Variants in SERPINB5 observed in about 807,000 individuals in gnomAD.
SERPINB5 encodes serpin B5.
In SERPINB5, 27 loss-of-function variants were observed where a neutral mutation model predicts 32.2. The ratio of observed to expected loss-of-function variants is 0.84; its 90% CI spans 0.62 to 1.16. The LOEUF (loss-of-function observed/expected upper bound fraction) is 1.16, where lower values mean the gene tolerates loss of function less well. SERPINB5 is among the 50% of genes most tolerant of loss of function. SERPINB5 has a pLI of 0.00. For synonymous variants in SERPINB5, 154 were observed against 157.4 expected, an observed-to-expected ratio of 0.98 and a Z score of 0.16; for missense variants, 388 against 436.3, an observed-to-expected ratio of 0.89 and a Z score of 0.99.
intron 5 of SERPINB5, among the ~76,000 whole-genome samples, chr18:63,496,817 A>AG (rs1909456631): frequency 6.6e-6 from 1 of 152,194 alleles, no homozygotes; most frequent in African/African-American, 2.4e-5. Flanking sequence ...TTCCTTCAGG[A>AG]AATCAGTCAT....
chr18:63,496,005 C>T (rs1177590376), intron 5 of SERPINB5, among the ~76,000 whole-genome samples: 1 of 152,090 alleles, frequency 6.6e-6, no homozygotes, highest in African/African-American at 2.4e-5. Flanking sequence ...GAAGTTATAT[C>T]ATTAAAAGTT....
intron 3 of SERPINB5, among the ~76,000 whole-genome samples, chr18:63,488,304 G>A (rs1417311777): frequency 6.6e-6 from 1 of 152,188 alleles, no homozygotes; most frequent in East Asian, 1.9e-4. Context: ...GTGCTTGGAA[G>A]TGAACTGACA....
In SERPINB5 at chr18:63,489,396, T is replaced by C. The variant is rs1340019985; in HGVS notation, c.356T>C (p.Val119Ala). ...KRPYAKELET[V>A]DFKDKLEETK... The stretch of plus-strand genomic sequence containing the variant: ...CCGTATGCAAAGGAATTGGAAACTG[T>C]TGACTTCAAAGATAAATTGGAAGAA... Residue 119 changes from valine to alanine, a missense_variant, in exon 4 of 7, where the codon GTT becomes GCT. Physicochemically the swap from Val to Ala is moderately conservative, Grantham distance 64. Transcript: ENST00000382771. The C allele has an allele frequency of 1.2e-5, 20 of 1,613,338 alleles. No homozygotes were observed. The highest frequency in any genetic ancestry group is 3.3e-5 in the South Asian group (3 of 90,922).
At chr18:63,481,680 A>C (rs1054656088) in intron 1 of SERPINB5, among the ~76,000 whole-genome samples, 4 of 152,262 alleles carry the variant, frequency 2.6e-5, no homozygotes, top group African/African-American at 9.6e-5. Context: ...GAAGGAAGCC[A>C]GGTTTCCTAT....
intron 1 of SERPINB5, among the ~76,000 whole-genome samples, chr18:63,477,994 C>A (rs1917062627): frequency 6.6e-6 from 1 of 152,180 alleles, no homozygotes; most frequent in African/African-American, 2.4e-5. Flanking sequence ...ACCGTGGGTT[C>A]TGTTACCATC....
At chr18:63,501,143 A>G (rs992016908) in intron 6 of SERPINB5, among the ~76,000 whole-genome samples, 8 of 151,654 alleles carry the variant, frequency 5.3e-5, no homozygotes, top group Admixed American at 2.6e-4. Flanking sequence ...TGCTGCACCC[A>G]TTAAGTTGTC....
chr18:63,494,250 A>C (rs1283060952), intron 5 of SERPINB5, among the ~76,000 whole-genome samples: 1 of 137,440 alleles, frequency 7.3e-6, no homozygotes, highest in East Asian at 2.3e-4. Context: ...TGAACCCAGG[A>C]GGCAGAGGTT....
Position 63,493,298 on chromosome 18 carries a change from T to A in SERPINB5, c.567+203T>A, listed in dbSNP as rs527798852. 12 of 658,596 alleles carry A rather than the reference T, an allele frequency of 1.8e-5. No homozygotes were observed. In the African/African-American group the frequency reaches 2.0e-4, roughly 11 times the overall value. 40.8% of individuals were successfully genotyped at this position (658,596 alleles called of 1,614,324 possible). ...GCCCCCCCTCCTCTTTTCCATAATGTCTTCAAGGATCTGAGCTGAGTGAAA... is the reference window on the plus strand; with the variant it reads ...GCCCCCCCTCCTCTTTTCCATAATGACTTCAAGGATCTGAGCTGAGTGAAA... On this transcript the variant is annotated intron_variant, in intron 5 of 6. Transcript: ENST00000382771.
Position 63,503,854 on chromosome 18 carries a change from T to G in SERPINB5, c.*132T>G, listed in dbSNP as rs1909623725. The G allele has an allele frequency of 2.3e-6, 2 of 886,682 alleles. No homozygotes were observed. Among genetic ancestry groups the G allele is most frequent in the African/African-American group, 3.3e-5 (2 of 59,742 alleles). 54.9% of individuals were successfully genotyped at this position (886,682 alleles called of 1,614,324 possible). A position where few individuals can be genotyped will look rare whatever the true frequency, so the allele number is the denominator to read the frequency against. ...GCTGGATCAGGAAGCCGCCAGTACT[T>G]GTCATATGTAGCCTTCACACAGATA... is the stretch of plus-strand genomic sequence containing the variant. On this transcript the variant is annotated 3_prime_UTR_variant, in exon 7 of 7. Coordinates refer to ENST00000382771, the MANE Select transcript of SERPINB5 (RefSeq NM_002639.5).
At chr18:63,491,204 C>T (rs2144501084) in intron 4 of SERPINB5, among the ~76,000 whole-genome samples, 1 of 152,020 alleles carries the variant, frequency 6.6e-6, no homozygotes, top group South Asian at 2.1e-4. Context: ...GAGCTCAGGA[C>T]CAGTCTGGCC....
intron 5 of SERPINB5, chr18:63,493,382 A>C: frequency 1.8e-6 from 1 of 563,788 alleles, no homozygotes; most frequent in Non-Finnish European, 3.1e-6. Flanking sequence ...AAATAGCTAC[A>C]AACATCTGAG....
Position 63,503,444 on chromosome 18 carries a change from C to T in SERPINB5, c.850C>T (p.Pro284Ser), listed in dbSNP as rs1394122065. Reference protein sequence around the residue: ...PKFKVEKMIDPKACLENLGLK... With the variant: ...PKFKVEKMIDSKACLENLGLK... ...ATTTAAGGTGGAAAAGATGATTGAT[C>T]CCAAGGCTTGTCTGGAAAATCTAGG... Residue 284 changes from proline to serine, a missense_variant, in exon 7 of 7, where the codon CCC (proline) becomes TCC (serine). By Grantham distance (74) the Pro-to-Ser change is moderately conservative. Coordinates refer to ENST00000382771, the MANE Select transcript of SERPINB5 (RefSeq NM_002639.5). The T allele has an allele frequency of 6.2e-7, 1 of 1,614,210 alleles. No homozygotes were observed.
chr18:63,504,350 C>T lies in SERPINB5; in HGVS notation c.*628C>T, dbSNP rs575965754. On this transcript the variant is annotated 3_prime_UTR_variant, in exon 7 of 7. Transcript: ENST00000382771. ...ACTTCATGGATCAGATCTGGGGCAGCACCCTATAAATCAACACCTTAATAT... is the reference window on the plus strand; with the variant it reads ...ACTTCATGGATCAGATCTGGGGCAGTACCCTATAAATCAACACCTTAATAT... The T allele has an allele frequency of 6.6e-6, 1 of 152,396 alleles. No homozygotes were observed. The highest frequency in any genetic ancestry group is 2.1e-4 in the South Asian group (1 of 4,824). The allele number at this position is 152,396 out of a possible 1,614,324, so 9.4% of individuals were successfully genotyped here.
At chr18:63,503,030 CCAAACAAA>C (rs373144034) in intron 6 of SERPINB5, among the ~76,000 whole-genome samples, 17 of 151,792 alleles carry the variant, frequency 1.1e-4, no homozygotes, top group African/African-American at 4.1e-4. Context: ...TAAAAAAAAC[CCAAACAAA>C]CAAACAAACA....
chr18:63,484,739 A>AAAATTTTT, intron 2 of SERPINB5, 143 bp downstream of exon 2: 1 of 144,458 alleles, frequency 6.9e-6, no homozygotes, highest in Non-Finnish European at 1.3e-5. Flanking sequence ...GACTCTCTTA[A>AAAATTTTT]TCTTTTTTTT....
intron 1 of SERPINB5, among the ~76,000 whole-genome samples, chr18:63,482,140 C>T (rs891690555): frequency 3.9e-5 from 6 of 152,196 alleles, no homozygotes; most frequent in Non-Finnish European, 7.4e-5. Flanking sequence ...CCATCCTACA[C>T]ACAAGCCATA....
intron 1 of SERPINB5, among the ~76,000 whole-genome samples, chr18:63,478,758 G>GT (rs10669993): frequency 0.19 from 26,059 of 135,218 alleles, 3,341 homozygotes; most frequent in African/African-American, 0.34. Flanking sequence ...TAAAAACGTA[G>GT]TTTTTTTTTT....
intron 5 of SERPINB5, 75 bp from the exon 6 acceptor site, chr18:63,499,045 G>GTATA (rs1369614687): frequency 1.7e-6 from 1 of 581,938 alleles, no homozygotes; most frequent in Non-Finnish European, 2.5e-6. Context: ...GCGCGCGTGT[G>GTATA]TGTATATATA....
At position 63,503,585 on chromosome 18, in the gene SERPINB5, G is replaced by A. The variant is rs185364126; in HGVS notation, c.991G>A (p.Gly331Arg). ...KVCLEITEDG[G>R]DSIEVPGARI... The stretch of plus-strand genomic sequence containing the variant: ...GTGCTTAGAAATAACTGAAGATGGT[G>A]GGGATTCCATAGAGGTGCCAGGAGC... The change falls in exon 7 of 7, where the codon GGG becomes AGG. Residue 331 changes from glycine (G) to arginine (R), a missense_variant. Gly to Arg is a moderately radical substitution (Grantham distance 125). Coordinates refer to ENST00000382771, the MANE Select transcript of SERPINB5 (RefSeq NM_002639.5). 7.7e-5 allele frequency: 125 copies of A among 1,614,192 alleles called. No individual in the cohort carries two copies. In the East Asian group the frequency reaches 2.7e-3, roughly 35 times the overall value.
Sources: gnomAD v4.1 joint callset for allele counts (sites outside exome capture counted in the v4.1 genomes callset) on GRCh38, gnomAD v4.1.1 for gene constraint, MANE v1.5 for transcripts, NCBI Gene and HGNC (gene_info 2026-07-23, HGNC 2026-07-21) for gene names.